NLRP2: variants seen among roughly 807,000 people sequenced by gnomAD.
NLRP2 encodes the protein NACHT, LRR and PYD domains-containing protein 2.
Under a neutral mutation model 97.2 loss-of-function variants are expected in NLRP2, and 107 were observed. The ratio of observed to expected loss-of-function variants is 1.10; its 90% confidence interval spans 0.94 to 1.29. The LOEUF is 1.29. Ranked by LOEUF, NLRP2 falls within the 50% of genes most tolerant of loss-of-function variation. NLRP2 has a pLI of 0.00. For synonymous variants in NLRP2, 663 were observed against 551.5 expected, an observed-to-expected ratio of 1.20 and a Z score of -2.83; for missense variants, 1,495 against 1,330.3, an observed-to-expected ratio of 1.12 and a Z score of -1.93.
intron 12 of NLRP2, among the ~76,000 whole-genome samples, chr19:54,998,598 G>T (rs1033748379): frequency 8.7e-6 from 1 of 115,384 alleles, no homozygotes; most frequent in African/African-American, 3.4e-5. Context: ...TTTTTTTGGG[G>T]TGCATCTTTT....
chr19:54,994,250 TC>T lies in NLRP2; in HGVS notation c.2709-17del, dbSNP rs1568534440. ...ACTCACAGGTTCGGGTTTGCTTTCT[TC>T]CTGTGGTTGATTTCTAGGCTTTGGA... On this transcript the variant is annotated intron_variant, in intron 10 of 12. Coordinates refer to ENST00000448584, the MANE Select transcript of NLRP2 (RefSeq NM_017852.5). 4.3e-6 allele frequency: 7 copies of T among 1,613,862 alleles called. No homozygotes were observed. Among genetic ancestry groups the T allele is most frequent in the Non-Finnish European group, 5.9e-6 (7 of 1,179,802 alleles).
At position 54,997,106 on chromosome 19, in the gene NLRP2, C is replaced by T. The variant is rs143409230; in HGVS notation, c.2880-211C>T. 4.5e-3 allele frequency among the ~76,000 whole-genome samples: 685 copies of T among 152,258 alleles called. 2 individuals carry two copies. The highest frequency in any genetic ancestry group is 0.01 in the Middle Eastern group (3 of 292). On this transcript the variant is annotated intron_variant, in intron 11 of 12. Coordinates refer to ENST00000448584, the MANE Select transcript of NLRP2 (RefSeq NM_017852.5). ...TATATTTAGTAGAGACACGGTTTTA[C>T]CATGTTAGGTTGGTCTTGAACTCCT...
intron 8 of NLRP2, among the ~76,000 whole-genome samples, chr19:54,987,180 G>A (rs1452117029): frequency 1.4e-5 from 2 of 145,064 alleles, no homozygotes; most frequent in African/African-American, 5.1e-5. Flanking sequence ...TGAGGCATGA[G>A]CCACCGTGCC....
intron 8 of NLRP2, among the ~76,000 whole-genome samples, chr19:54,988,444 C>A (rs777018577): frequency 6.6e-6 from 1 of 152,070 alleles, no homozygotes; most frequent in East Asian, 1.9e-4. Flanking sequence ...AGGCACCCAC[C>A]TGTATTTTTG....
rs371582142 is a variant in NLRP2, at chr19:54,973,829, C to G, written c.281-671C>G. The G allele has an allele frequency of 1.6e-5, 10 of 615,726 alleles. No individual in the cohort carries two copies. The African/African-American group carries it at 1.7e-4, about 10-fold the overall frequency. 38.1% of individuals were successfully genotyped at this position (615,726 alleles called of 1,614,324 possible). ...CGCTCACACAGACATGGTGAATGTT[C>G]CTGAAACCCGCCGGACTTTCTGTAA... On this transcript the variant is annotated intron_variant, in intron 2 of 12. Transcript: ENST00000448584.
rs749608473 is a variant in NLRP2, at chr19:54,990,664, G to C, written c.2700G>C (p.Gln900His). 6.2e-7 allele frequency: 1 copy of C among 1,614,166 alleles called. No individual in the cohort carries two copies. The highest frequency in any genetic ancestry group is 8.5e-7 in the Non-Finnish European group (1 of 1,180,032). Reference sequence around the variant, plus strand: ...TGAGGTACCCCGAGTGTAAACTGCAGACCTTGGTGTAAGTCCGTGCTGGCT... The same window carrying C: ...TGAGGTACCCCGAGTGTAAACTGCACACCTTGGTGTAAGTCCGTGCTGGCT... ...EGLRYPECKL[Q>H]TLVLWNCDIT... The change falls in exon 10 of 13, where the codon CAG becomes CAC. Residue 900 changes from glutamine to histidine, a missense_variant. Transcript: ENST00000448584.
At chr19:54,995,375 A>G (rs1482698627) in intron 11 of NLRP2, among the ~76,000 whole-genome samples, 3 of 151,140 alleles carry the variant, frequency 2.0e-5, no homozygotes, top group Non-Finnish European at 4.4e-5. Context: ...TATTTTTAGT[A>G]TAGACGGGGT....
intron 2 of NLRP2, among the ~76,000 whole-genome samples, chr19:54,972,569 G>A (rs2070933493): frequency 2.0e-5 from 3 of 151,808 alleles, no homozygotes; most frequent in Admixed American, 1.3e-4. Context: ...TGACCTCCCA[G>A]ACTTGAGCAA....
rs1177006903 is a variant in NLRP2 at position 54,983,157 on chromosome 19, G to A, written c.1459G>A (p.Asp487Asn). 6 of 1,613,788 alleles carry A rather than the reference G, an allele frequency of 3.7e-6. No individual in the cohort carries two copies. The African/African-American group carries it at 8.0e-5, about 22-fold the overall frequency. Reference sequence around the variant, plus strand: ...CGACCTCCGTCTGTTCCTGGACGGAGACATCCTCCGCCAGGACAGAGTCTC... The same window carrying A: ...CGACCTCCGTCTGTTCCTGGACGGAAACATCCTCCGCCAGGACAGAGTCTC... ...ESDLRLFLDG[D>N]ILRQDRVSKG... The change falls in exon 6 of 13, where the codon GAC (aspartate) becomes AAC (asparagine). Residue 487 changes from aspartate (D) to asparagine (N), a missense_variant. Transcript: ENST00000448584.
rs1336047402 is a variant in NLRP2, at chr19:54,982,891, C to T, written c.1193C>T (p.Pro398Leu). The T allele has an allele frequency of 5.0e-6, 8 of 1,612,986 alleles. No individual in the cohort carries two copies. Among genetic ancestry groups the T allele is most frequent in the African/African-American group, 2.7e-5 (2 of 74,900 alleles). The change falls in exon 6 of 13, where the codon CCC (proline) becomes CTC (leucine). Residue 398 changes from proline to leucine, a missense_variant. Coordinates refer to ENST00000448584, the MANE Select transcript of NLRP2 (RefSeq NM_017852.5). Reference sequence around the variant, plus strand: ...GCCCTGTTCCAGCTGGGCTCGGCCCCCGCGGTGTGCTGGATCGTGTGCACG... The same window carrying T: ...GCCCTGTTCCAGCTGGGCTCGGCCCTCGCGGTGTGCTGGATCGTGTGCACG... ...NAALFQLGSA[P>L]AVCWIVCTTL... is the part of the protein sequence containing the mutation.
At chr19:54,965,366 A>C (rs1039557988), upstream of NLRP2, 1 of 102,660 alleles carries the variant, frequency 9.7e-6, no homozygotes, top group Non-Finnish European at 2.1e-5. Flanking sequence ...GAGTAGGGCC[A>C]GGTGTTGGGA....
intron 4 of NLRP2, 108 bp from the exon 5 acceptor site, chr19:54,981,509 G>GGCCCCCCCCCCCCCCCCCCCCC: frequency 1.0e-5 from 4 of 386,504 alleles, no homozygotes; most frequent in Admixed American, 2.8e-5. Flanking sequence ...CTGATCCCGT[G>GGCCCCCCCCCCCCCCCCCCCCC]CCCCCCCTCC....
chr19:54,999,869 T>G (rs2073082063), intron 12 of NLRP2, among the ~76,000 whole-genome samples: 1 of 152,002 alleles, frequency 6.6e-6, no homozygotes, highest in Non-Finnish European at 1.5e-5. Flanking sequence ...CCTGAGTAGC[T>G]GGGATTATAG....
rs200366059 is a variant in NLRP2, at chr19:54,984,329, G to GTTTTTTTTTTTTTTT, written c.2030+610_2030+624dup. ...AACTTAAGTGGGGGTTTTTTTTTGT[G>GTTTTTTTTTTTTTTT]TTTTTTTTTTTTTTTTTTTTTTTGG... On this transcript the variant is annotated intron_variant, in intron 6 of 12. Coordinates refer to ENST00000448584, the MANE Select transcript of NLRP2 (RefSeq NM_017852.5). Among the ~76,000 whole-genome samples the GTTTTTTTTTTTTTTT allele has an allele frequency of 1.4e-3, 115 of 79,672 alleles. 4 individuals carry two copies. The highest frequency in any genetic ancestry group is 2.8e-3 in the African/African-American group (61 of 21,642). The allele number at this position is 79,672 out of a possible 152,430, so 52.3% of individuals were successfully genotyped here.
At chr19:54,990,779 C>A in intron 10 of NLRP2, 107 bp downstream of exon 10, 2 of 1,173,288 alleles carry the variant, frequency 1.7e-6, no homozygotes, top group Non-Finnish European at 2.5e-6. Context: ...CTAAAAGTTC[C>A]AAGCATGATG....
intron 1 of NLRP2, among the ~76,000 whole-genome samples, chr19:54,968,629 C>A (rs1055530693): frequency 2.0e-5 from 3 of 151,100 alleles, no homozygotes; most frequent in Non-Finnish European, 4.4e-5. Flanking sequence ...GGCCCCCCGG[C>A]CAGCTTCAGT....
rs540440552 is a variant in NLRP2 at position 54,981,419 on chromosome 19, C to T, written c.398-198C>T. On this transcript the variant is annotated intron_variant, in intron 4 of 12. Transcript: ENST00000448584. The stretch of plus-strand genomic sequence containing the variant: ...TGAGCTCAAGTGATCCACCCCACCT[C>T]AGCCTCCCAAAGTTCTGGGATTATA... 2.0e-5 allele frequency among the ~76,000 whole-genome samples: 3 copies of T among 152,132 alleles called. No individual in the cohort carries two copies. The South Asian group carries it at 6.2e-4, about 32-fold the overall frequency.
Position 54,999,545 on chromosome 19 carries a change from G to C in NLRP2, c.3051-1215G>C, listed in dbSNP as rs372795925. ...AAGCAGGTATTAGAGCTATAGCCCAGCTGTACTCAGCAATTCCATTTTCTG... is the reference window on the plus strand; with the variant it reads ...AAGCAGGTATTAGAGCTATAGCCCACCTGTACTCAGCAATTCCATTTTCTG... On this transcript the variant is annotated intron_variant, in intron 12 of 12. Coordinates refer to ENST00000448584, the MANE Select transcript of NLRP2 (RefSeq NM_017852.5). Among the ~76,000 whole-genome samples, 25 of 152,260 alleles carry C rather than the reference G, an allele frequency of 1.6e-4. No individual in the cohort carries two copies. The South Asian group carries it at 4.8e-3, about 29-fold the overall frequency.
At chr19:54,970,552 A>C (rs1298924788) in intron 2 of NLRP2, among the ~76,000 whole-genome samples, 1 of 151,916 alleles carries the variant, frequency 6.6e-6, no homozygotes, top group African/African-American at 2.4e-5. Context: ...CTACTCCGGG[A>C]GGCTGAGGCA....
Sources: gnomAD v4.1 joint callset for allele counts (sites outside exome capture counted in the v4.1 genomes callset) on GRCh38, gnomAD v4.1.1 for gene constraint, MANE v1.5 for transcripts, NCBI Gene and HGNC (gene_info 2026-07-23, HGNC 2026-07-21) for gene names.